SDR16C5: variants seen among roughly 807,000 people sequenced by gnomAD.
SDR16C5 encodes epidermal retinol dehydrogenase 2.
SDR16C5 carries 20 observed loss-of-function variants against 27.7 expected under a neutral mutation model. The observed-to-expected ratio is 0.72, with a 90% CI of 0.51 to 1.05. The LOEUF is 1.05. Among genes scored for constraint, SDR16C5 ranks in the 50% least tolerant of loss-of-function variants. The pLI, the probability that SDR16C5 is intolerant of heterozygous loss-of-function variation, is 0.00. For synonymous variants in SDR16C5, 139 were observed against 132.3 expected (o/e 1.05, Z -0.35); for missense variants, 374 against 366.3 (o/e 1.02, Z -0.17).
At chr8:56,302,065 A>G (rs1047769782) in intron 6 of SDR16C5, among the ~76,000 whole-genome samples, 1 of 152,202 alleles carries the variant, frequency 6.6e-6, no homozygotes. Flanking sequence ...GCAAGACCCA[A>G]CTAACACTGT....
intron 3 of SDR16C5, chr8:56,309,570 C>T: frequency 1.0e-6 from 1 of 985,136 alleles, no homozygotes; most frequent in Non-Finnish European, 1.2e-6. Flanking sequence ...AACACCTTCA[C>T]CCTTGATTGG....
At chr8:56,316,481 C>T (rs1356526755) in intron 1 of SDR16C5, 120 bp from the exon 2 acceptor site, 1 of 650,686 alleles carries the variant, frequency 1.5e-6, no homozygotes, top group East Asian at 2.7e-5. Flanking sequence ...ATTTAAACAG[C>T]TCTCCTGGTA....
chr8:56,306,442 G>C (rs994293712), intron 5 of SDR16C5, among the ~76,000 whole-genome samples: 1 of 152,122 alleles, frequency 6.6e-6, no homozygotes, highest in Admixed American at 6.6e-5. Flanking sequence ...GGGAAATGGA[G>C]GAGCAGATCC....
chr8:56,306,723 C>A lies in SDR16C5; in HGVS notation c.663G>T (p.Val221=). Residue 221 remains valine (V), a synonymous_variant, in exon 5 of 7, where the codon GTG becomes GTT. Transcript: ENST00000303749. ...TTCCAGTTTTTATAAAAAAGGGGCACACAATCGTGGTTTTGATCCCCTTTT... is the reference window on the plus strand; with the variant it reads ...TTCCAGTTTTTATAAAAAAGGGGCAAACAATCGTGGTTTTGATCCCCTTTT... ...QKQKGIKTTI[V]CPFFIKTGMF... is the part of the protein sequence containing the mutation. 6.2e-7 allele frequency: 1 copy of A among 1,613,750 alleles called. No homozygotes were observed.
chr8:56,305,553 G>A (rs1470660861), intron 6 of SDR16C5, 44 bp downstream of exon 6: 1 of 1,523,122 alleles, frequency 6.6e-7, no homozygotes, highest in Non-Finnish European at 8.8e-7. Context: ...GGAGTAAACT[G>A]TAGACTGGCA....
chr8:56,308,669 T>C (rs987174501), intron 4 of SDR16C5, among the ~76,000 whole-genome samples: 3 of 152,212 alleles, frequency 2.0e-5, no homozygotes, highest in Non-Finnish European at 4.4e-5. Flanking sequence ...AAAAAATTTA[T>C]CAGTGAGGCC....
At chr8:56,317,807 C>T (rs527591185) in intron 1 of SDR16C5, among the ~76,000 whole-genome samples, 2 of 152,116 alleles carry the variant, frequency 1.3e-5, no homozygotes, top group African/African-American at 2.4e-5. Context: ...TGCTGGTTAG[C>T]TGGTGAGGGC....
At chr8:56,312,379 G>T in intron 2 of SDR16C5, 91 bp from the exon 3 acceptor site, 1 of 1,202,154 alleles carries the variant, frequency 8.3e-7, no homozygotes, top group Non-Finnish European at 1.2e-6. Flanking sequence ...TTTTTATCCT[G>T]GTTAATTCAT....
intron 5 of SDR16C5, 82 bp from the exon 6 acceptor site, chr8:56,305,804 A>G (rs1814868274): frequency 1.4e-6 from 2 of 1,416,010 alleles, no homozygotes; most frequent in Admixed American, 5.2e-5. Context: ...ATTAGGGATA[A>G]AAGGTTTTAA....
intron 6 of SDR16C5, among the ~76,000 whole-genome samples, chr8:56,305,150 T>C (rs577774894): frequency 1.2e-4 from 19 of 152,322 alleles, no homozygotes; most frequent in Middle Eastern, 3.4e-3. Flanking sequence ...AAATTTATTA[T>C]GTATTGCTAA....
In SDR16C5 at chr8:56,316,175, A is replaced by C. The variant is rs768838625; in HGVS notation, c.173T>G (p.Leu58Trp). The C allele has an allele frequency of 8.1e-6, 13 of 1,614,136 alleles. No homozygotes were observed. The highest frequency in any genetic ancestry group is 1.1e-5 in the Non-Finnish European group (13 of 1,179,976). Residue 58 changes from leucine (L) to tryptophan (W), a missense_variant, in exon 2 of 7, where the codon TTG (leucine) becomes TGG (tryptophan). Transcript: ENST00000303749. ...AACAGATCCCAGCCGGGCAAACTGC[A>C]AGGCTAAGAGCCTTCCGAGTCCACT... is the stretch of plus-strand genomic sequence containing the variant. ...AGSGLGRLLA[L>W]QFARLGSVLV...
At chr8:56,303,871 G>C in intron 6 of SDR16C5, 1 of 680,770 alleles carries the variant, frequency 1.5e-6, no homozygotes, top group South Asian at 1.6e-5. Context: ...CCAATAAACA[G>C]TGCATTACAC....
intron 3 of SDR16C5, among the ~76,000 whole-genome samples, chr8:56,310,116 A>AAGGAAGGAGGAGGAGGGAGGAGGAGGAGG (rs1814989189): frequency 2.0e-5 from 1 of 48,806 alleles, no homozygotes; most frequent in Non-Finnish European, 4.2e-5. Context: ...GGAGGAGGAG[A>AAGGAAGGAGGAGGAGGGAGGAGGAGGAGG]AGGAAGGAGG....
At chr8:56,312,373 T>TA (rs1645080145) in intron 2 of SDR16C5, 85 bp from the exon 3 acceptor site, 2 of 1,267,812 alleles carry the variant, frequency 1.6e-6, no homozygotes, top group African/African-American at 1.5e-5. Flanking sequence ...ATGTTTTTTT[T>TA]ATCCTGGTTA....
At chr8:56,314,937 C>T (rs761527614) in intron 2 of SDR16C5, among the ~76,000 whole-genome samples, 2 of 152,014 alleles carry the variant, frequency 1.3e-5, no homozygotes, top group Non-Finnish European at 2.9e-5. Flanking sequence ...AGTACTCAAG[C>T]CAATATGAGG....
chr8:56,311,693 A>G (rs908134688), intron 3 of SDR16C5, among the ~76,000 whole-genome samples: 2 of 152,208 alleles, frequency 1.3e-5, no homozygotes, highest in African/African-American at 4.8e-5. Context: ...TGGTTTGCCC[A>G]TAACAGACCT....
At chr8:56,309,179 G>C in intron 3 of SDR16C5, 152 bp from the exon 4 acceptor site, 1 of 924,156 alleles carries the variant, frequency 1.1e-6, no homozygotes, top group East Asian at 3.3e-5. Context: ...CATCTGGAAA[G>C]TAATCATTTT....
At chr8:56,302,246 C>A (rs1443368086) in intron 6 of SDR16C5, among the ~76,000 whole-genome samples, 1 of 152,166 alleles carries the variant, frequency 6.6e-6, no homozygotes, top group African/African-American at 2.4e-5. Context: ...AAGGAAAGGA[C>A]CCCATGCTCC....
rs747061658 is a variant in SDR16C5, at chr8:56,306,788, AC to A, written c.597del (p.Phe200LeufsTer7). 3.7e-6 allele frequency: 6 copies of A among 1,612,642 alleles called. No homozygotes were observed. The highest frequency in any genetic ancestry group is 1.3e-5 in the African/African-American group (1 of 74,880). ...DYCASKFAAF[G>X]FAESVFVETF... is the part of the protein sequence containing the mutation. ...GTTTCTACAAATACAGATTCAGCAA[AC>A]CCAAAGGCTGCAAATTTACTTGCAC... On this transcript the variant is annotated frameshift_variant, in exon 5 of 7. Transcript: ENST00000303749. LOFTEE classifies it high-confidence loss of function.
Sources: allele counts gnomAD v4.1 joint callset (sites outside exome capture counted in the v4.1 genomes callset), GRCh38; gene constraint gnomAD v4.1.1; transcripts MANE v1.5; gene names NCBI Gene and HGNC (gene_info 2026-07-23, HGNC 2026-07-21).